DNAJC3: variants seen among roughly 807,000 people sequenced by gnomAD.
DNAJC3 encodes the protein dnaJ homolog subfamily C member 3.
DNAJC3 carries 38 observed loss-of-function variants against 68.6 expected under a neutral mutation model. That is an observed-to-expected ratio of 0.55 (90% CI 0.43 to 0.73). The LOEUF (loss-of-function observed/expected upper bound fraction) is 0.73. DNAJC3 is among the 30% of genes least tolerant of loss of function. The probability of loss-of-function intolerance (pLI) is 0.00; values close to 1 mark genes in which losing one functional copy is unlikely to be tolerated. For missense variants in DNAJC3, 526 were observed against 591.9 expected, an observed-to-expected ratio of 0.89 and a Z score of 1.16; for synonymous variants, 203 against 204.0, an observed-to-expected ratio of 1.00 and a Z score of 0.04.
At position 95,792,732 on chromosome 13, in the gene DNAJC3, T is replaced by TTTCAA. The variant is rs1883816945; in HGVS notation, c.*1708_*1712dup. The TTTCAA allele has an allele frequency of 6.6e-6, 1 of 152,244 alleles. No homozygotes were observed. Among genetic ancestry groups the TTTCAA allele is most frequent in the Admixed American group, 6.5e-5 (1 of 15,284 alleles). The allele number at this position is 152,244 out of a possible 1,614,324, so 9.4% of individuals were successfully genotyped here. A position where few individuals can be genotyped will look rare whatever the true frequency, so the allele number is the denominator to read the frequency against. Reference sequence around the variant, plus strand: ...TTACAGCTTTCATTTTGCTTTAATGTTTCAATTCAAGCCGGTGTAAAAATA... The same window carrying TTTCAA: ...TTACAGCTTTCATTTTGCTTTAATGTTTCAATTCAATTCAAGCCGGTGTAAAAATA... On this transcript the variant is annotated 3_prime_UTR_variant, in exon 12 of 12. Coordinates refer to ENST00000602402, the MANE Select transcript of DNAJC3 (RefSeq NM_006260.5).
intron 2 of DNAJC3, among the ~76,000 whole-genome samples, chr13:95,711,898 C>T (rs1165577558): frequency 6.6e-6 from 1 of 152,112 alleles, no homozygotes; most frequent in African/African-American, 2.4e-5. Context: ...AGTGTAAGAA[C>T]ATTACAATAA....
chr13:95,730,051 G>A lies in DNAJC3; in HGVS notation c.393+4799G>A, dbSNP rs941389380. Among the ~76,000 whole-genome samples the A allele has an allele frequency of 2.0e-5, 3 of 152,262 alleles. No homozygotes were observed. In the East Asian group the frequency reaches 5.8e-4, roughly 29 times the overall value. On this transcript the variant is annotated intron_variant, in intron 4 of 11. Transcript: ENST00000602402. Reference sequence around the variant, plus strand: ...CTGTCACCTATGCTGGAGTACAGTGGCATGATCGTGGCTTACTGCAGCCTC... The same window carrying A: ...CTGTCACCTATGCTGGAGTACAGTGACATGATCGTGGCTTACTGCAGCCTC...
In DNAJC3 at chr13:95,725,235, G is replaced by A; in HGVS notation, c.376G>A (p.Asp126Asn). ...LKQGKLDEAE[D>N]DFKKVLKSNP... ...ACAAGGAAAACTTGATGAAGCAGAA[G>A]ATGATTTTAAAAAAGTGGTAAGTTC... Residue 126 changes from aspartate (D) to asparagine (N), a missense_variant, in exon 4 of 12, where the codon GAT becomes AAT. Transcript: ENST00000602402. 2 of 1,594,714 alleles carry A rather than the reference G, an allele frequency of 1.3e-6. No individual in the cohort carries two copies. The highest frequency in any genetic ancestry group is 1.8e-5 in the Admixed American group (1 of 55,042).
At chr13:95,714,069 T>C (rs895400552) in intron 2 of DNAJC3, among the ~76,000 whole-genome samples, 1 of 152,178 alleles carries the variant, frequency 6.6e-6, no homozygotes, top group East Asian at 1.9e-4. Flanking sequence ...TAGAAAAATA[T>C]GGCTTTGTGG....
At chr13:95,740,480 C>A (rs113856982) in intron 4 of DNAJC3, among the ~76,000 whole-genome samples, 2 of 152,312 alleles carry the variant, frequency 1.3e-5, no homozygotes, top group South Asian at 2.1e-4. Context: ...GGGCGTAGGA[C>A]CCTCCGAGCC....
In DNAJC3 at chr13:95,763,747, AG is replaced by A. The variant is rs1267546052; in HGVS notation, c.954+1del. 1 of 1,614,006 alleles carries A rather than the reference AG, an allele frequency of 6.2e-7. No individual in the cohort carries two copies. The highest frequency in any genetic ancestry group is 1.7e-5 in the Admixed American group (1 of 60,030). ...SKERICHCFS[K>X]DEKPVEAIRV... ...GAGAGGATTTGCCACTGCTTTTCTA[AG>A]GTAACAGTTGACTTGTTCCCAGAAA... On this transcript the variant is annotated frameshift_variant and splice_region_variant, in exon 8 of 12. Transcript: ENST00000602402. LOFTEE classifies it high-confidence loss of function.
At chr13:95,729,764 G>A (rs1881655025) in intron 4 of DNAJC3, among the ~76,000 whole-genome samples, 1 of 152,046 alleles carries the variant, frequency 6.6e-6, no homozygotes, top group Non-Finnish European at 1.5e-5. Flanking sequence ...TAGTGATGTT[G>A]AACATTTTTT....
intron 1 of DNAJC3, among the ~76,000 whole-genome samples, chr13:95,680,078 G>A (rs973606937): frequency 1.3e-5 from 2 of 152,144 alleles, no homozygotes; most frequent in Non-Finnish European, 2.9e-5. Context: ...AGATGAGATC[G>A]AATTTTTGGA....
intron 4 of DNAJC3, among the ~76,000 whole-genome samples, chr13:95,747,140 C>T (rs1251848540): frequency 2.0e-5 from 3 of 152,216 alleles, no homozygotes; most frequent in Non-Finnish European, 4.4e-5. Flanking sequence ...GTCAGTTACT[C>T]TTAATCAGTG....
chr13:95,786,754 A>G (rs1199915481), intron 10 of DNAJC3, among the ~76,000 whole-genome samples: 1 of 152,196 alleles, frequency 6.6e-6, no homozygotes, highest in Non-Finnish European at 1.5e-5. Context: ...TTTTTAAAAA[A>G]GGGAAAGTTC....
intron 1 of DNAJC3, among the ~76,000 whole-genome samples, chr13:95,690,167 AT>A (rs1880190648): frequency 6.6e-6 from 1 of 151,786 alleles, no homozygotes; most frequent in Non-Finnish European, 1.5e-5. Context: ...GGTACTTGAG[AT>A]TAGGGAGTGG....
intron 1 of DNAJC3, among the ~76,000 whole-genome samples, chr13:95,690,970 G>A (rs190755640): frequency 0.056 from 6,883 of 123,458 alleles, 307 homozygotes; most frequent in East Asian, 0.12. Context: ...GCGGGGGGCT[G>A]ACACCCCCAC....
intron 4 of DNAJC3, among the ~76,000 whole-genome samples, chr13:95,738,887 G>C (rs982730688): frequency 6.6e-5 from 10 of 151,478 alleles, no homozygotes; most frequent in African/African-American, 2.4e-4. Flanking sequence ...TGGTTATTTT[G>C]CTCGTTAGTT....
intron 2 of DNAJC3, among the ~76,000 whole-genome samples, chr13:95,721,490 C>G (rs144261797): frequency 6.6e-6 from 1 of 152,244 alleles, no homozygotes; most frequent in African/African-American, 2.4e-5. Context: ...AATCATCTTA[C>G]GGTTTTCCAC....
intron 7 of DNAJC3, among the ~76,000 whole-genome samples, chr13:95,762,688 G>GTTT (rs1255337951): frequency 1.1e-4 from 17 of 152,084 alleles, no homozygotes; most frequent in Admixed American, 1.1e-3. Flanking sequence ...TGCCATGGTG[G>GTTT]TTTGCTGCAC....
In DNAJC3 at chr13:95,732,615, C is replaced by T. The variant is rs1881748723; in HGVS notation, c.393+7363C>T. Among the ~76,000 whole-genome samples, 4 of 151,788 alleles carry T rather than the reference C, an allele frequency of 2.6e-5. No individual in the cohort carries two copies. The South Asian group carries it at 6.3e-4, about 24-fold the overall frequency. ...TGGTTTATCAATTTGTTTATCTTTT[C>T]GTAAAACCGACTTTTTGTTTTGTGA... On this transcript the variant is annotated intron_variant, in intron 4 of 11. Coordinates refer to ENST00000602402, the MANE Select transcript of DNAJC3 (RefSeq NM_006260.5).
chr13:95,707,042 G>T (rs1228135219), intron 1 of DNAJC3, among the ~76,000 whole-genome samples: 1 of 152,146 alleles, frequency 6.6e-6, no homozygotes, highest in African/African-American at 2.4e-5. Flanking sequence ...CCATGGACTG[G>T]GTTGGGTAGG....
Position 95,677,188 on chromosome 13 carries a change from T to A in DNAJC3, c.-68T>A, listed in dbSNP as rs1160495077. The A allele has an allele frequency of 2.7e-6, 4 of 1,483,710 alleles. No homozygotes were observed. The highest frequency in any genetic ancestry group is 1.8e-6 in the Non-Finnish European group (2 of 1,097,474). 91.9% of individuals were successfully genotyped at this position (1,483,710 alleles called of 1,614,324 possible). ...GCCGACGGCGGGCGGGCGCAGCTGC[T>A]GCCGGAGCGCCGGCGCGTGCTGGTG... is the stretch of plus-strand genomic sequence containing the variant. On this transcript the variant is annotated 5_prime_UTR_variant, in exon 1 of 12. Coordinates refer to ENST00000602402, the MANE Select transcript of DNAJC3 (RefSeq NM_006260.5).
chr13:95,684,430 G>A (rs985861454), intron 1 of DNAJC3, among the ~76,000 whole-genome samples: 1 of 152,164 alleles, frequency 6.6e-6, no homozygotes, highest in African/African-American at 2.4e-5. Context: ...AGCAGCCAGT[G>A]CTCATATTCA....
Sources: allele counts gnomAD v4.1 joint callset (sites outside exome capture counted in the v4.1 genomes callset), GRCh38; gene constraint gnomAD v4.1.1; transcripts MANE v1.5; gene names NCBI Gene and HGNC (gene_info 2026-07-23, HGNC 2026-07-21).